DISC1: variants seen among roughly 807,000 people sequenced by gnomAD.
DISC1 encodes disrupted in schizophrenia 1 protein.
In DISC1, 57 loss-of-function variants were observed where a neutral mutation model predicts 84.5. The ratio of observed to expected loss-of-function variants is 0.67; its 90% confidence interval spans 0.55 to 0.84. DISC1 has a LOEUF of 0.84. DISC1 is among the 40% of genes least tolerant of loss of function. The pLI, the probability that DISC1 is intolerant of heterozygous loss-of-function variation, is 0.00. For synonymous variants in DISC1, 411 were observed against 415.2 expected (o/e 0.99, Z 0.12); for missense variants, 1,000 against 1,057.8 (o/e 0.95, Z 0.76).
chr1:232,035,881 A>T (rs1264563666), intron 12 of DISC1, among the ~76,000 whole-genome samples: 1 of 152,234 alleles, frequency 6.6e-6, no homozygotes, highest in East Asian at 1.9e-4. Flanking sequence ...CCGTTTCTTA[A>T]GAGAACTACA....
At chr1:231,876,696 C>G (rs139867555) in intron 9 of DISC1, among the ~76,000 whole-genome samples, 32 of 152,302 alleles carry the variant, frequency 2.1e-4, no homozygotes, top group African/African-American at 6.7e-4. Context: ...TTCAGTGCTG[C>G]AAATGAGTTT....
intron 1 of DISC1, among the ~76,000 whole-genome samples, chr1:231,641,435 T>C (rs1179385196): frequency 1.3e-5 from 2 of 152,138 alleles, no homozygotes; most frequent in African/African-American, 2.4e-5. Context: ...AGGTTCGTGG[T>C]CTCGTTGGCT....
At chr1:231,987,243 C>T (rs986763492) in intron 10 of DISC1, among the ~76,000 whole-genome samples, 1 of 152,192 alleles carries the variant, frequency 6.6e-6, no homozygotes, top group East Asian at 1.9e-4. Flanking sequence ...ACTGTTGATG[C>T]AGAATTCAGC....
chr1:231,894,861 A>T (rs1055580770), intron 9 of DISC1, among the ~76,000 whole-genome samples: 1 of 150,172 alleles, frequency 6.7e-6, no homozygotes, highest in Non-Finnish European at 1.5e-5. Flanking sequence ...TTGCTATAGC[A>T]TTAGAGGACA....
intron 9 of DISC1, among the ~76,000 whole-genome samples, chr1:231,942,708 C>T (rs191588725): frequency 8.7e-4 from 133 of 152,094 alleles, no homozygotes; most frequent in South Asian, 2.7e-3. Context: ...AAAAAGAAAA[C>T]GCCATGGCCA....
At chr1:231,705,528 A>C (rs963268775) in intron 3 of DISC1, among the ~76,000 whole-genome samples, 7 of 151,992 alleles carry the variant, frequency 4.6e-5, no homozygotes, top group Admixed American at 4.6e-4. Context: ...CCACCATCCC[A>C]AAGTTAGGCT....
At chr1:231,952,949 T>C (rs1658753743) in intron 9 of DISC1, among the ~76,000 whole-genome samples, 1 of 152,088 alleles carries the variant, frequency 6.6e-6, no homozygotes, top group Admixed American at 6.6e-5. Context: ...ATTTCACATC[T>C]CATGTGCACT....
In DISC1 at chr1:231,770,782, G is replaced by T. The variant is rs1017881733; in HGVS notation, c.1399-53G>T. The T allele has an allele frequency of 3.8e-6, 6 of 1,583,014 alleles. No individual in the cohort carries two copies. In the Admixed American group the frequency reaches 9.3e-5, roughly 24 times the overall value. On this transcript the variant is annotated intron_variant, in intron 5 of 12. Coordinates refer to ENST00000439617, the MANE Select transcript of DISC1 (RefSeq NM_018662.3). Reference sequence around the variant, plus strand: ...TAAACGAGTCATTATCCTCAGAGCAGTTTGCCATGAGCAGGGTTAATTTAT... The same window carrying T: ...TAAACGAGTCATTATCCTCAGAGCATTTTGCCATGAGCAGGGTTAATTTAT...
chr1:231,819,138 G>T lies in DISC1; in HGVS notation c.1981+621G>T, dbSNP rs1164679011. On this transcript the variant is annotated intron_variant, in intron 9 of 12. Coordinates refer to ENST00000439617, the MANE Select transcript of DISC1 (RefSeq NM_018662.3). Reference sequence around the variant, plus strand: ...TGGTCTCAGAAGACGCTGGTTCAGTGCAAATTGAGATGGTAAAAACTTATT... The same window carrying T: ...TGGTCTCAGAAGACGCTGGTTCAGTTCAAATTGAGATGGTAAAAACTTATT... The T allele has an allele frequency of 6.1e-6, 6 of 985,954 alleles. No individual in the cohort carries two copies. In the South Asian group the frequency reaches 2.3e-4, roughly 39 times the overall value. 61.1% of individuals were successfully genotyped at this position (985,954 alleles called of 1,614,324 possible).
intron 9 of DISC1, among the ~76,000 whole-genome samples, chr1:231,912,297 C>G (rs371751176): frequency 2.1e-4 from 32 of 152,174 alleles, no homozygotes; most frequent in African/African-American, 7.2e-4. Context: ...CTGGTTTCTC[C>G]CCATCTTTGT....
chr1:231,647,360 G>T (rs945870121), intron 1 of DISC1, among the ~76,000 whole-genome samples: 4 of 152,186 alleles, frequency 2.6e-5, no homozygotes, highest in African/African-American at 9.7e-5. Flanking sequence ...CTTTGTCAAA[G>T]ATCAGATGGT....
intron 4 of DISC1, among the ~76,000 whole-genome samples, chr1:231,766,288 T>TAAAAAAAAAAAAAA (rs61578768): frequency 9.4e-6 from 1 of 106,126 alleles, no homozygotes; most frequent in African/African-American, 3.9e-5. Context: ...AGACATTATC[T>TAAAAAAAAAAAAAA]AAAAAAAAAA....
At chr1:231,800,022 C>G in intron 7 of DISC1, 86 bp from the exon 8 acceptor site, 1 of 959,886 alleles carries the variant, frequency 1.0e-6, no homozygotes, top group Non-Finnish European at 1.6e-6. Flanking sequence ...TACTTACAAA[C>G]CCAGAAATCT....
intron 10 of DISC1, among the ~76,000 whole-genome samples, chr1:231,960,512 A>T (rs144164021): frequency 8.3e-4 from 127 of 152,252 alleles, no homozygotes; most frequent in African/African-American, 2.9e-3. Context: ...TTGGCCTCCC[A>T]AAGTGCTGGG....
chr1:231,984,496 G>A (rs976202690), intron 10 of DISC1, among the ~76,000 whole-genome samples: 2 of 152,066 alleles, frequency 1.3e-5, no homozygotes, highest in Non-Finnish European at 2.9e-5. Context: ...CTAGTGGATG[G>A]GGGGCGTGGG....
At chr1:231,755,837 G>A (rs2075058516) in intron 4 of DISC1, among the ~76,000 whole-genome samples, 1 of 152,142 alleles carries the variant, frequency 6.6e-6, no homozygotes, top group Non-Finnish European at 1.5e-5. Context: ...TGTCTCACCT[G>A]CACGTCAGTG....
At chr1:231,687,831 G>A (rs2064484951) in intron 1 of DISC1, among the ~76,000 whole-genome samples, 1 of 152,180 alleles carries the variant, frequency 6.6e-6, no homozygotes, top group African/African-American at 2.4e-5. Context: ...GTTTGGGAAG[G>A]TGAAACAGTT....
At chr1:231,722,336 C>T (rs113888361) in intron 3 of DISC1, among the ~76,000 whole-genome samples, 28 of 152,176 alleles carry the variant, frequency 1.8e-4, no homozygotes, top group African/African-American at 6.5e-4. Flanking sequence ...CCTGGAATGA[C>T]CATGGTATTT....
Position 231,722,568 on chromosome 1 carries a change from G to C in DISC1, c.1117+20544G>C, listed in dbSNP as rs201177890. Reference sequence around the variant, plus strand: ...AACCAATTGCTTTGGATCCACCATGGAAGCCTCGACATCCTGAACCAAACT... The same window carrying C: ...AACCAATTGCTTTGGATCCACCATGCAAGCCTCGACATCCTGAACCAAACT... On this transcript the variant is annotated intron_variant, in intron 3 of 12. Coordinates refer to ENST00000439617, the MANE Select transcript of DISC1 (RefSeq NM_018662.3). The C allele has an allele frequency of 2.5e-6, 4 of 1,614,128 alleles. No homozygotes were observed. The East Asian group carries it at 6.7e-5, about 27-fold the overall frequency.
Sources: gnomAD v4.1 joint callset for allele counts (sites outside exome capture counted in the v4.1 genomes callset) on GRCh38, gnomAD v4.1.1 for gene constraint, MANE v1.5 for transcripts, NCBI Gene and HGNC (gene_info 2026-07-23, HGNC 2026-07-21) for gene names.